Variants in FBXW11 observed in about 807,000 individuals in gnomAD.
FBXW11 encodes F-box and WD repeat domain containing 11.
A neutral mutation model predicts 77.6 loss-of-function variants in FBXW11; 19 were observed. That is an observed-to-expected ratio of 0.24 (90% CI 0.17 to 0.36). The LOEUF (loss-of-function observed/expected upper bound fraction) is 0.36, where lower values mean the gene tolerates loss of function less well. Among genes scored for constraint, FBXW11 ranks in the 10% least tolerant of loss-of-function variants. The pLI is 1.00. For missense variants in FBXW11, 334 were observed against 704.2 expected (o/e 0.47, Z 5.95); for synonymous variants, 235 against 249.4 (o/e 0.94, Z 0.54).
At chr5:171,968,084 TATC>T (rs1205802600) in intron 1 of FBXW11, among the ~76,000 whole-genome samples, 2 of 152,040 alleles carry the variant, frequency 1.3e-5, no homozygotes, top group Non-Finnish European at 2.9e-5. Context: ...TTAGGGATCT[TATC>T]ATAGCAACTT....
intron 1 of FBXW11, among the ~76,000 whole-genome samples, chr5:171,990,940 C>G (rs1765702063): frequency 1.3e-5 from 2 of 152,166 alleles, no homozygotes; most frequent in Admixed American, 1.3e-4. Flanking sequence ...ATTCTCCTAC[C>G]TCAGCCTCCC....
intron 1 of FBXW11, among the ~76,000 whole-genome samples, chr5:171,971,642 AT>A (rs202058391): frequency 6.8e-5 from 10 of 146,440 alleles, no homozygotes; most frequent in African/African-American, 9.9e-5. Context: ...AAAAAAAAAA[AT>A]TTATTACATT....
chr5:171,981,278 T>C (rs1340298614), intron 1 of FBXW11, among the ~76,000 whole-genome samples: 1 of 152,176 alleles, frequency 6.6e-6, no homozygotes, highest in Non-Finnish European at 1.5e-5. Context: ...TTCTAGACCT[T>C]GCCCTACATA....
chr5:171,899,196 T>G (rs373446843), intron 5 of FBXW11, 102 bp from the exon 6 acceptor site: 108 of 751,418 alleles, frequency 1.4e-4, no homozygotes, highest in Admixed American at 1.1e-3. Context: ...GTCTTTTAAT[T>G]TGCATTGAGT....
chr5:171,924,194 T>C (rs1241370648), intron 2 of FBXW11, among the ~76,000 whole-genome samples: 3 of 151,956 alleles, frequency 2.0e-5, no homozygotes, highest in African/African-American at 7.3e-5. Context: ...AGTGCTGGGA[T>C]TACAGGAATG....
At chr5:171,875,880 A>G (rs1758047613) in intron 9 of FBXW11, among the ~76,000 whole-genome samples, 1 of 152,212 alleles carries the variant, frequency 6.6e-6, no homozygotes, top group Admixed American at 6.5e-5. Context: ...AAGCTCTGCC[A>G]CTAACTAGCT....
At chr5:171,939,356 T>C (rs1302684256) in intron 2 of FBXW11, among the ~76,000 whole-genome samples, 1 of 152,136 alleles carries the variant, frequency 6.6e-6, no homozygotes, top group Non-Finnish European at 1.5e-5. Context: ...CAAGTGACTC[T>C]TGAACTCAGT....
At chr5:171,970,534 TCTA>T (rs1225458677) in intron 1 of FBXW11, among the ~76,000 whole-genome samples, 8 of 152,204 alleles carry the variant, frequency 5.3e-5, no homozygotes, top group African/African-American at 1.4e-4. Context: ...AAACAAGCCC[TCTA>T]CTATTTTATA....
chr5:171,882,794 A>G (rs1014791066), intron 7 of FBXW11, among the ~76,000 whole-genome samples: 1 of 149,776 alleles, frequency 6.7e-6, no homozygotes, highest in African/African-American at 2.5e-5. Flanking sequence ...TATTGCTTTT[A>G]TTTTTTTATT....
In FBXW11 at chr5:171,872,855, C is replaced by T. The variant is rs375486061; in HGVS notation, c.1340+17G>A. 1,760 of 1,593,246 alleles carry T rather than the reference C, an allele frequency of 1.1e-3. 2 individuals carry two copies. The highest frequency in any genetic ancestry group is 1.3e-3 in the Non-Finnish European group (1,517 of 1,161,578). Reference sequence around the variant, plus strand: ...CAAAAATCAGCCTGCTCTGTCAGCACACCAACTTCTACCCACCTAATGGTA... The same window carrying T: ...CAAAAATCAGCCTGCTCTGTCAGCATACCAACTTCTACCCACCTAATGGTA... On this transcript the variant is annotated intron_variant, in intron 10 of 13. Transcript: ENST00000517395.
chr5:171,899,797 T>C (rs1156651742), intron 5 of FBXW11, 117 bp downstream of exon 5: 6 of 896,990 alleles, frequency 6.7e-6, no homozygotes, highest in African/African-American at 3.4e-5. Context: ...CCACTCATTT[T>C]CCCCCCTTTT....
chr5:171,939,209 C>T (rs187818629), intron 2 of FBXW11, among the ~76,000 whole-genome samples: 94 of 152,172 alleles, frequency 6.2e-4, no homozygotes, highest in African/African-American at 2.1e-3. Context: ...TGCACTCCAG[C>T]ATGGGTGACA....
At chr5:171,892,864 C>G (rs887444049) in intron 6 of FBXW11, among the ~76,000 whole-genome samples, 3 of 152,170 alleles carry the variant, frequency 2.0e-5, no homozygotes, top group African/African-American at 7.2e-5. Flanking sequence ...TATTTCTGTA[C>G]AGCTAAAAGT....
chr5:171,913,322 A>T (rs1343087851), intron 3 of FBXW11, among the ~76,000 whole-genome samples: 1 of 152,236 alleles, frequency 6.6e-6, no homozygotes, highest in African/African-American at 2.4e-5. Context: ...TGTTTGTATA[A>T]CTATTAACTA....
At chr5:171,886,214 G>A (rs944058850) in intron 7 of FBXW11, among the ~76,000 whole-genome samples, 4 of 152,146 alleles carry the variant, frequency 2.6e-5, no homozygotes, top group African/African-American at 7.2e-5. Context: ...TGATAGACTG[G>A]ATTAAGAAAA....
rs1483305019 is a variant in FBXW11 at position 171,869,721 on chromosome 5, T to A, written c.1530+8A>T. The A allele has an allele frequency of 4.4e-6, 7 of 1,603,568 alleles. No homozygotes were observed. In the East Asian group the frequency reaches 1.6e-4, roughly 36 times the overall value. ...GGGAACCAATTCCCGTCTCAAGAGA[T>A]CACATACCACCAATGTGCGCAAACA... On this transcript the variant is annotated splice_region_variant and intron_variant, in intron 12 of 13. Coordinates refer to ENST00000517395, the MANE Select transcript of FBXW11 (RefSeq NM_001378974.1). This position sits in a 1 kb window ranked among gnomAD's most constrained non-coding sequence, Gnocchi z 4.1.
chr5:171,986,163 T>C (rs576193933), intron 1 of FBXW11, among the ~76,000 whole-genome samples: 1 of 152,228 alleles, frequency 6.6e-6, no homozygotes, highest in Admixed American at 6.5e-5. Context: ...ATACCAGCAC[T>C]TTGGGAGGCC....
intron 2 of FBXW11, among the ~76,000 whole-genome samples, chr5:171,921,778 A>T (rs1260750525): frequency 2.6e-5 from 4 of 152,174 alleles, no homozygotes; most frequent in Non-Finnish European, 5.9e-5. Flanking sequence ...CCACTTTGTC[A>T]CCCAGGCTGA....
intron 1 of FBXW11, among the ~76,000 whole-genome samples, chr5:171,968,664 A>G (rs542465885): frequency 1.3e-5 from 2 of 152,270 alleles, no homozygotes; most frequent in East Asian, 1.9e-4. Flanking sequence ...TGACAAAACT[A>G]AAACCCCAAT....
Sources: gnomAD v4.1 joint callset for allele counts (sites outside exome capture counted in the v4.1 genomes callset) on GRCh38, gnomAD v4.1.1 for gene constraint, Gnocchi (gnomAD v3.1) non-coding constraint, MANE v1.5 for transcripts, NCBI Gene and HGNC (gene_info 2026-07-23, HGNC 2026-07-21) for gene names.